The following CLINT1 variants were observed in gnomAD, a reference collection of about 807,000 sequenced individuals.
The protein encoded by CLINT1 is clathrin interactor 1.
CLINT1 carries 15 observed loss-of-function variants against 70.4 expected under a neutral mutation model. The observed-to-expected ratio is 0.21, with a 90% CI of 0.14 to 0.33. The LOEUF (loss-of-function observed/expected upper bound fraction) is 0.33, where lower values mean the gene tolerates loss of function less well. CLINT1 is among the 10% of genes least tolerant of loss of function. The probability of loss-of-function intolerance (pLI) is 1.00; values close to 1 mark genes in which losing one functional copy is unlikely to be tolerated. For missense variants in CLINT1, 615 were observed against 778.1 expected, an observed-to-expected ratio of 0.79 and a Z score of 2.49; for synonymous variants, 227 against 254.7, an observed-to-expected ratio of 0.89 and a Z score of 1.04.
intron 6 of CLINT1, chr5:157,809,068 A>G (rs1762466330): frequency 6.6e-6 from 1 of 152,160 alleles, no homozygotes; most frequent in Non-Finnish European, 1.5e-5. Context: ...CAAGTAGTGT[A>G]TAACCTAGTA....
chr5:157,792,072 CAAATTA>C, intron 9 of CLINT1, 77 bp from the exon 10 acceptor site: 1 of 1,274,406 alleles, frequency 7.8e-7, no homozygotes, highest in Non-Finnish European at 1.1e-6. Context: ...TGAACTGAAA[CAAATTA>C]GAGCTGATCT....
At position 157,834,835 on chromosome 5, in the gene CLINT1, G is replaced by A. The variant is rs372389614; in HGVS notation, c.42-17288C>T. On this transcript the variant is annotated intron_variant, in intron 1 of 11. Coordinates refer to ENST00000411809, the MANE Select transcript of CLINT1 (RefSeq NM_014666.4). ...TTCTGCCTGTACAATGGCTATGTAT[G>A]AATTTATTTTAATTACCTTAATATA... Among the ~76,000 whole-genome samples the A allele has an allele frequency of 1.5e-4, 23 of 152,182 alleles. No individual in the cohort carries two copies. The South Asian group carries it at 4.6e-3, about 30-fold the overall frequency.
chr5:157,791,939 G>C lies in CLINT1; in HGVS notation c.1144C>G (p.Pro382Ala), dbSNP rs750262175. ...FGDWSAFNQA[P>A]SGPVASSGEF... The stretch of plus-strand genomic sequence containing the variant: ...CCACTGGAAGCAACAGGGCCTGATG[G>C]GGCTTGGTTGAAGGCACTCCAGTCA... The change falls in exon 10 of 12, where the codon CCA becomes GCA. Residue 382 changes from proline (P) to alanine (A), a missense_variant. Pro to Ala is a conservative substitution (Grantham distance 27). Coordinates refer to ENST00000411809, the MANE Select transcript of CLINT1 (RefSeq NM_014666.4). 6.2e-7 allele frequency: 1 copy of C among 1,613,964 alleles called. No homozygotes were observed. Among genetic ancestry groups the C allele is most frequent in the Non-Finnish European group, 8.5e-7 (1 of 1,179,872 alleles).
intron 1 of CLINT1, among the ~76,000 whole-genome samples, chr5:157,826,170 C>T (rs1344066540): frequency 1.3e-5 from 2 of 151,882 alleles, no homozygotes; most frequent in East Asian, 3.9e-4. Context: ...GATTAAAGAC[C>T]CTTGTGTGTA....
intron 7 of CLINT1, among the ~76,000 whole-genome samples, chr5:157,804,415 G>GAT (rs1162336818): frequency 4.6e-5 from 7 of 152,120 alleles, no homozygotes; most frequent in Non-Finnish European, 1.0e-4. Context: ...CTATATGTTA[G>GAT]ATATATACAT....
intron 1 of CLINT1, among the ~76,000 whole-genome samples, chr5:157,850,138 T>G (rs952704098): frequency 6.6e-6 from 1 of 152,142 alleles, no homozygotes; most frequent in Non-Finnish European, 1.5e-5. Context: ...TACAGGCAAT[T>G]AAGCAATGAG....
At chr5:157,844,395 T>C (rs1027508917) in intron 1 of CLINT1, among the ~76,000 whole-genome samples, 2 of 152,222 alleles carry the variant, frequency 1.3e-5, no homozygotes, top group African/African-American at 4.8e-5. Context: ...TCATGCAGTT[T>C]TCATATGCAT....
chr5:157,842,999 T>TA (rs1326695405), intron 1 of CLINT1, among the ~76,000 whole-genome samples: 1 of 152,168 alleles, frequency 6.6e-6, no homozygotes, highest in African/African-American at 2.4e-5. Flanking sequence ...TATCATATGT[T>TA]AGACTGGTTT....
At position 157,809,608 on chromosome 5, in the gene CLINT1, G is replaced by C. The variant is rs745956540; in HGVS notation, c.695+20C>G. Reference sequence around the variant, plus strand: ...TTAGGGCTCTTTCTAAGAGACCCGGGAGACAAAGTGGTAAAATACCTGCAT... The same window carrying C: ...TTAGGGCTCTTTCTAAGAGACCCGGCAGACAAAGTGGTAAAATACCTGCAT... On this transcript the variant is annotated intron_variant, in intron 6 of 11. Coordinates refer to ENST00000411809, the MANE Select transcript of CLINT1 (RefSeq NM_014666.4). 1.9e-6 allele frequency: 3 copies of C among 1,576,278 alleles called. No individual in the cohort carries two copies. Among genetic ancestry groups the C allele is most frequent in the Non-Finnish European group, 2.6e-6 (3 of 1,165,326 alleles).
Position 157,817,518 on chromosome 5 carries a change from A to T in CLINT1, c.71T>A (p.Ile24Asn). 6.2e-7 allele frequency: 1 copy of T among 1,603,772 alleles called. No individual in the cohort carries two copies. Among genetic ancestry groups the T allele is most frequent in the Non-Finnish European group, 8.5e-7 (1 of 1,174,676 alleles). ...CGTTGCCTCTCGAACCTTAGACTCG[A>T]TCTCTGAATAATTCATAACAACATT... ...ATNVVMNYSE[I>N]ESKVREATND... The change falls in exon 2 of 12, where the codon ATC becomes AAC. Residue 24 changes from isoleucine to asparagine, a missense_variant. Physicochemically the swap from Ile to Asn is moderately radical, Grantham distance 149. Around this residue, in one of 2 missense-constraint regions of CLINT1, gnomAD observed 241 missense variants for 368.6 expected, o/e 0.65. Coordinates refer to ENST00000411809, the MANE Select transcript of CLINT1 (RefSeq NM_014666.4).
chr5:157,793,865 AATTTTAAT>A (rs1761988583), intron 9 of CLINT1, among the ~76,000 whole-genome samples: 2 of 152,324 alleles, frequency 1.3e-5, no homozygotes, highest in Admixed American at 1.3e-4. Context: ...ACTAAATATA[AATTTTAAT>A]CCAGTTTAAT....
chr5:157,836,387 G>C (rs1763423162), intron 1 of CLINT1, among the ~76,000 whole-genome samples: 1 of 152,196 alleles, frequency 6.6e-6, no homozygotes, highest in Non-Finnish European at 1.5e-5. Flanking sequence ...TGATTCCATA[G>C]ATGAAGGTCC....
At chr5:157,835,996 A>C (rs1334482186) in intron 1 of CLINT1, among the ~76,000 whole-genome samples, 9 of 152,168 alleles carry the variant, frequency 5.9e-5, no homozygotes, top group African/African-American at 2.4e-5. Context: ...TAGATGTACC[A>C]ATTCTTTTAT....
rs191499290 is a variant in CLINT1 at position 157,808,241 on chromosome 5, C to T, written c.695+1387G>A. Among the ~76,000 whole-genome samples, 650 of 152,056 alleles carry T rather than the reference C, an allele frequency of 4.3e-3. 4 individuals are homozygous for T. Among genetic ancestry groups the T allele is most frequent in the Admixed American group, 7.5e-3 (115 of 15,268 alleles). ...TATGGCCATTATTCTGTTGGTATTT[C>T]CTGAACAGGCATTCCAGGGATTTAA... On this transcript the variant is annotated intron_variant, in intron 6 of 11. Coordinates refer to ENST00000411809, the MANE Select transcript of CLINT1 (RefSeq NM_014666.4).
chr5:157,790,761 T>A, intron 10 of CLINT1: 1 of 369,760 alleles, frequency 2.7e-6, no homozygotes, highest in Non-Finnish European at 5.3e-6. Flanking sequence ...AAGCCTGCAC[T>A]TGTCTGAATT....
chr5:157,836,054 A>G (rs761153479), intron 1 of CLINT1, among the ~76,000 whole-genome samples: 6 of 152,220 alleles, frequency 3.9e-5, no homozygotes, highest in Non-Finnish European at 8.8e-5. Flanking sequence ...AAACTTGTAC[A>G]TACTGGAACC....
At chr5:157,799,875 T>C (rs1762162605) in intron 8 of CLINT1, among the ~76,000 whole-genome samples, 1 of 152,136 alleles carries the variant, frequency 6.6e-6, no homozygotes, top group Non-Finnish European at 1.5e-5. Context: ...CTGGATACTG[T>C]AGGCAACTGT....
chr5:157,797,898 T>C (rs1399582758), intron 8 of CLINT1, among the ~76,000 whole-genome samples: 1 of 152,192 alleles, frequency 6.6e-6, no homozygotes, highest in Non-Finnish European at 1.5e-5. Flanking sequence ...TTCCTCTCCA[T>C]CTATATTACA....
rs1761757196 is a variant in CLINT1 at position 157,787,389 on chromosome 5, T to C, written c.*257A>G. The C allele has an allele frequency of 2.0e-6, 1 of 495,888 alleles. No homozygotes were observed. The highest frequency in any genetic ancestry group is 3.6e-6 in the Non-Finnish European group (1 of 279,444). The allele number at this position is 495,888 out of a possible 1,614,324, so 30.7% of individuals were successfully genotyped here. A position where few individuals can be genotyped will look rare whatever the true frequency, so the allele number is the denominator to read the frequency against. ...TGGACTCTTCAGTTGATAAAGGCTT[T>C]CAATGGTCTCACCACCCACTTGTGG... is the stretch of plus-strand genomic sequence containing the variant. On this transcript the variant is annotated 3_prime_UTR_variant, in exon 12 of 12. Coordinates refer to ENST00000411809, the MANE Select transcript of CLINT1 (RefSeq NM_014666.4).
Sources: allele counts gnomAD v4.1 joint callset (sites outside exome capture counted in the v4.1 genomes callset), GRCh38; gene constraint gnomAD v4.1.1; regional missense constraint gnomAD v4.1.1; transcripts MANE v1.5; gene names NCBI Gene and HGNC (gene_info 2026-07-23, HGNC 2026-07-21).